The following COPB2 variants were observed in gnomAD, a reference collection of about 807,000 sequenced individuals.
The protein encoded by COPB2 is coatomer subunit beta'.
A neutral mutation model predicts 120.8 loss-of-function variants in COPB2; 16 were observed. That is an observed-to-expected ratio of 0.13 (90% CI 0.09 to 0.20). The LOEUF (loss-of-function observed/expected upper bound fraction) is 0.20, where lower values mean the gene tolerates loss of function less well. COPB2 is among the 10% of genes least tolerant of loss of function. COPB2 has a pLI of 1.00. For synonymous variants in COPB2, 332 were observed against 366.3 expected (o/e 0.91, Z 1.07); for missense variants, 794 against 1,076.5 (o/e 0.74, Z 3.67).
At chr3:139,380,140 T>G (rs1437606556) in intron 2 of COPB2, 1 of 151,876 alleles carries the variant, frequency 6.6e-6, no homozygotes, top group Non-Finnish European at 1.5e-5. Context: ...GTTACCCAAG[T>G]AGCTGGGATT....
rs1257077840 is a variant in COPB2, at chr3:139,368,225, T to G, written c.1465A>C (p.Lys489Gln). 1 of 1,613,760 alleles carries G rather than the reference T, an allele frequency of 6.2e-7. No individual in the cohort carries two copies. The highest frequency in any genetic ancestry group is 8.5e-7 in the Non-Finnish European group (1 of 1,179,882). The change falls in exon 13 of 22, where the codon AAG becomes CAG. Residue 489 changes from lysine to glutamine, a missense_variant. Coordinates refer to ENST00000333188, the MANE Select transcript of COPB2 (RefSeq NM_004766.3). Reference sequence around the variant, plus strand: ...GCCAAGACTTTTTCTGACAGATACTTAAGGATAAAAAATGATTCCTCAGTA... The same window carrying G: ...GCCAAGACTTTTTCTGACAGATACTGAAGGATAAAAAATGATTCCTCAGTA... ...IATEESFFIL[K>Q]YLSEKVLAAQ... is the part of the protein sequence containing the mutation.
chr3:139,378,202 A>C lies in COPB2; in HGVS notation c.356-13T>G, dbSNP rs200873587. The C allele has an allele frequency of 6.5e-7, 1 of 1,529,578 alleles. No homozygotes were observed. The highest frequency in any genetic ancestry group is 1.3e-5 in the African/African-American group (1 of 74,078). The allele number at this position is 1,529,578 out of a possible 1,614,324, so 94.8% of individuals were successfully genotyped here. ...ATAAGCATGTCATCTAGGCCAAAAG[A>C]AAGTCTCAAGTTAGTTGTAATTCTA... is the stretch of plus-strand genomic sequence containing the variant. On this transcript the variant is annotated splice_polypyrimidine_tract_variant and intron_variant, in intron 4 of 21. Coordinates refer to ENST00000333188, the MANE Select transcript of COPB2 (RefSeq NM_004766.3).
intron 5 of COPB2, 24 bp from the exon 6 acceptor site, chr3:139,375,638 C>T: frequency 6.2e-7 from 1 of 1,611,110 alleles, no homozygotes. Context: ...CAGCATCGGC[C>T]AGTCAATATG....
At chr3:139,375,020 T>G (rs372142703) in intron 6 of COPB2, among the ~76,000 whole-genome samples, 1 of 152,224 alleles carries the variant, frequency 6.6e-6, no homozygotes, top group East Asian at 1.9e-4. Context: ...TTTTATTAAT[T>G]GCTTATGGGA....
At chr3:139,371,165 T>C (rs1941617309) in intron 10 of COPB2, among the ~76,000 whole-genome samples, 2 of 152,166 alleles carry the variant, frequency 1.3e-5, no homozygotes, top group South Asian at 4.1e-4. Flanking sequence ...AAAGTCAGAG[T>C]TAAATGATCT....
At chr3:139,384,525 C>G (rs1445577871) in intron 1 of COPB2, among the ~76,000 whole-genome samples, 4 of 152,286 alleles carry the variant, frequency 2.6e-5, no homozygotes, top group East Asian at 3.9e-4. Flanking sequence ...ATATTCAAGT[C>G]TGAATAAGCA....
At position 139,357,773 on chromosome 3, in the gene COPB2, C is replaced by G; in HGVS notation, c.*90G>C. ...TTACATATAAAAATCTAAGAAGTTT[C>G]TCATAGTCCAAAGCACTGTGGTCAG... On this transcript the variant is annotated 3_prime_UTR_variant, in exon 22 of 22. Coordinates refer to ENST00000333188, the MANE Select transcript of COPB2 (RefSeq NM_004766.3). 3.4e-6 allele frequency: 2 copies of G among 584,084 alleles called. No homozygotes were observed. Among genetic ancestry groups the G allele is most frequent in the Non-Finnish European group, 5.7e-6 (2 of 351,982 alleles). The allele number at this position is 584,084 out of a possible 1,614,324, so 36.2% of individuals were successfully genotyped here.
chr3:139,368,616 C>T (rs1941566320), intron 12 of COPB2, among the ~76,000 whole-genome samples: 1 of 152,098 alleles, frequency 6.6e-6, no homozygotes, highest in African/African-American at 2.4e-5. Context: ...CACCCACCCT[C>T]CCTAGAAGTC....
chr3:139,383,209 T>C lies in COPB2; in HGVS notation c.141+89A>G, dbSNP rs748134890. The C allele has an allele frequency of 3.4e-5, 49 of 1,461,906 alleles. 2 individuals are homozygous for C. The South Asian group carries it at 5.3e-4, about 16-fold the overall frequency. The allele number at this position is 1,461,906 out of a possible 1,614,324, so 90.6% of individuals were successfully genotyped here. A position where few individuals can be genotyped will look rare whatever the true frequency, so the allele number is the denominator to read the frequency against. ...GAGAAAGCAGTTTGCATATAGATTC[T>C]GGATTCTGTTATAATATTTCTTCTC... On this transcript the variant is annotated intron_variant, in intron 2 of 21. Coordinates refer to ENST00000333188, the MANE Select transcript of COPB2 (RefSeq NM_004766.3).
rs1230349403 is a variant in COPB2 at position 139,379,099 on chromosome 3, G to A, written c.303C>T (p.Tyr101=). 2.5e-6 allele frequency: 4 copies of A among 1,612,706 alleles called. No individual in the cohort carries two copies. Among genetic ancestry groups the A allele is most frequent in the African/African-American group, 1.3e-5 (1 of 74,842 alleles). Residue 101 remains tyrosine, a synonymous_variant, in exon 4 of 22, where the codon TAC becomes TAT. Coordinates refer to ENST00000333188, the MANE Select transcript of COPB2 (RefSeq NM_004766.3). ...RVHMFEAHSD[Y]IRCIAVHPTQ... ...TTGGATGAACAGCAATACAGCGAATGTAGTCTGAGTGTGCTTCAAACATAT... is the reference window on the plus strand; with the variant it reads ...TTGGATGAACAGCAATACAGCGAATATAGTCTGAGTGTGCTTCAAACATAT...
intron 1 of COPB2, 92 bp downstream of exon 1, chr3:139,389,456 G>T: frequency 1.4e-6 from 2 of 1,432,088 alleles, no homozygotes; most frequent in South Asian, 3.0e-5. Context: ...CGGGAGCCCA[G>T]ACCACTGCTT....
chr3:139,383,762 C>A (rs892645177), intron 1 of COPB2, among the ~76,000 whole-genome samples: 2 of 152,080 alleles, frequency 1.3e-5, no homozygotes, highest in African/African-American at 4.8e-5. Context: ...AAAATTAAAC[C>A]TGAGACAACT....
At chr3:139,386,068 C>CT in intron 1 of COPB2, among the ~76,000 whole-genome samples, 1 of 152,280 alleles carries the variant, frequency 6.6e-6, no homozygotes, top group South Asian at 2.1e-4. Context: ...TTTTACTCAT[C>CT]TTTTTTGGGG....
intron 16 of COPB2, 143 bp downstream of exon 16, chr3:139,362,264 G>A: frequency 2.1e-6 from 1 of 469,184 alleles, no homozygotes; most frequent in South Asian, 3.8e-5. Context: ...CTTTTAAAAA[G>A]ATAAGAGAGA....
At chr3:139,383,861 A>T (rs899224106) in intron 1 of COPB2, among the ~76,000 whole-genome samples, 2 of 152,214 alleles carry the variant, frequency 1.3e-5, no homozygotes, top group Non-Finnish European at 2.9e-5. Flanking sequence ...ATGAAAAATA[A>T]CTATGTTTTC....
intron 10 of COPB2, 77 bp from the exon 11 acceptor site, chr3:139,369,621 C>A: frequency 2.2e-6 from 2 of 913,418 alleles, no homozygotes; most frequent in Non-Finnish European, 3.4e-6. Flanking sequence ...GAAATATCTT[C>A]AAATATTTTT....
chr3:139,382,953 TATC>T (rs1207917534), intron 2 of COPB2: 7 of 230,958 alleles, frequency 3.0e-5, no homozygotes, highest in South Asian at 6.2e-5. Context: ...AATTTAACGA[TATC>T]ATTCTTAAGA....
At chr3:139,383,491 A>T in intron 1 of COPB2, 56 bp from the exon 2 acceptor site, 1 of 1,439,650 alleles carries the variant, frequency 6.9e-7, no homozygotes, top group Non-Finnish European at 9.2e-7. Flanking sequence ...TATGTTTGAG[A>T]TTTTAACTAA....
intron 17 of COPB2, among the ~76,000 whole-genome samples, chr3:139,360,521 A>C (rs1336529069): frequency 1.3e-5 from 2 of 151,362 alleles, no homozygotes; most frequent in Non-Finnish European, 3.0e-5. Context: ...CCATCTCAAA[A>C]AAAAAAAAAA....
Sources: gnomAD v4.1 joint callset for allele counts (sites outside exome capture counted in the v4.1 genomes callset) on GRCh38, gnomAD v4.1.1 for gene constraint, MANE v1.5 for transcripts, NCBI Gene and HGNC (gene_info 2026-07-23, HGNC 2026-07-21) for gene names.